The following PRKAR2A variants were observed in gnomAD, a reference collection of about 807,000 sequenced individuals.
The protein encoded by PRKAR2A is cAMP-dependent protein kinase type II-alpha regulatory subunit.
PRKAR2A carries 29 observed loss-of-function variants against 51.9 expected under a neutral mutation model. That is an observed-to-expected ratio of 0.56 (90% CI 0.42 to 0.76). PRKAR2A has a LOEUF of 0.76. Among genes scored for constraint, PRKAR2A ranks in the 30% least tolerant of loss-of-function variants. The pLI is 0.00. For synonymous variants in PRKAR2A, 178 were observed against 186.2 expected, an observed-to-expected ratio of 0.96 and a Z score of 0.36; for missense variants, 445 against 512.1, an observed-to-expected ratio of 0.87 and a Z score of 1.26.
intron 6 of PRKAR2A, among the ~76,000 whole-genome samples, chr3:48,772,212 T>C (rs1432013768): frequency 6.6e-6 from 1 of 152,200 alleles, no homozygotes; most frequent in Non-Finnish European, 1.5e-5. Context: ...TATTCCATCT[T>C]GGTCTGAACC....
chr3:48,790,501 TA>T, intron 4 of PRKAR2A, 42 bp downstream of exon 4: 1 of 1,399,044 alleles, frequency 7.1e-7, no homozygotes, highest in Non-Finnish European at 9.7e-7. Context: ...GGAGCAAAGC[TA>T]AAAGATCATT....
In PRKAR2A at chr3:48,747,787, A is replaced by C. The variant is rs1243549831; in HGVS notation, c.*3798T>G. On this transcript the variant is annotated 3_prime_UTR_variant, in exon 11 of 11. Coordinates refer to ENST00000265563, the MANE Select transcript of PRKAR2A (RefSeq NM_004157.4). Reference sequence around the variant, plus strand: ...AGGGGCATGAGCTCTAATTCATTGAAGAGAACACCACAAAACAGTTAACAA... The same window carrying C: ...AGGGGCATGAGCTCTAATTCATTGACGAGAACACCACAAAACAGTTAACAA... 6.6e-6 allele frequency: 1 copy of C among 152,248 alleles called. No homozygotes were observed. The highest frequency in any genetic ancestry group is 1.5e-5 in the Non-Finnish European group (1 of 68,064). 9.4% of individuals were successfully genotyped at this position (152,248 alleles called of 1,614,324 possible). A position where few individuals can be genotyped will look rare whatever the true frequency, so the allele number is the denominator to read the frequency against.
At chr3:48,818,907 G>A (rs992345663) in intron 1 of PRKAR2A, among the ~76,000 whole-genome samples, 1 of 152,102 alleles carries the variant, frequency 6.6e-6, no homozygotes, top group African/African-American at 2.4e-5. Flanking sequence ...TTTGTGGAGG[G>A]TTTGTTTGCT....
chr3:48,830,253 T>C (rs1193696259), intron 1 of PRKAR2A, among the ~76,000 whole-genome samples: 4 of 151,786 alleles, frequency 2.6e-5, no homozygotes, highest in East Asian at 1.9e-4. Flanking sequence ...ACTAGTCCTA[T>C]ACAGGGTCAG....
downstream of PRKAR2A, among the ~76,000 whole-genome samples, chr3:48,746,381 A>ATCTTTAT (rs2081562186): frequency 6.7e-6 from 1 of 148,292 alleles, no homozygotes; most frequent in South Asian, 2.1e-4. Context: ...AAAAAAAAGA[A>ATCTTTAT]TCTTTATACA....
chr3:48,784,893 C>T (rs2082263400), intron 4 of PRKAR2A, among the ~76,000 whole-genome samples: 1 of 152,104 alleles, frequency 6.6e-6, no homozygotes, highest in East Asian at 1.9e-4. Flanking sequence ...TGTTGAAGTA[C>T]TTACTATATG....
chr3:48,776,515 C>T (rs1214281595), intron 5 of PRKAR2A, among the ~76,000 whole-genome samples: 1 of 152,054 alleles, frequency 6.6e-6, no homozygotes, highest in Non-Finnish European at 1.5e-5. Context: ...TGGTGGCTCA[C>T]GCCTGTGTAT....
At position 48,773,084 on chromosome 3, in the gene PRKAR2A, T is replaced by C. The variant is rs1410919275; in HGVS notation, c.567A>G (p.Thr189=). ...CAACAGAGCGGGTTTGATTATCTTT[T>C]GTTACTAAAATGTCATAAGTTCCCC... The part of the protein sequence containing the change: ...IERGTYDILV[T]KDNQTRSVGQ... Residue 189 remains threonine, a synonymous_variant, in exon 6 of 11, where the codon ACA becomes ACG. Transcript: ENST00000265563. 3 of 1,610,598 alleles carry C rather than the reference T, an allele frequency of 1.9e-6. No individual in the cohort carries two copies. In the Admixed American group the frequency reaches 5.0e-5, roughly 27 times the overall value.
At chr3:48,794,627 G>A (rs1374558406) in intron 2 of PRKAR2A, among the ~76,000 whole-genome samples, 8 of 151,948 alleles carry the variant, frequency 5.3e-5, no homozygotes, top group South Asian at 4.2e-4. Flanking sequence ...CTTGGGAGAC[G>A]GAGGTTGCAG....
chr3:48,770,365 A>G (rs1487463092), intron 6 of PRKAR2A, among the ~76,000 whole-genome samples: 2 of 152,164 alleles, frequency 1.3e-5, no homozygotes, highest in Non-Finnish European at 2.9e-5. Flanking sequence ...AAGAGAAAGC[A>G]AAAGAGACTA....
chr3:48,839,287 TAAA>T (rs749588693), intron 1 of PRKAR2A, among the ~76,000 whole-genome samples: 1 of 119,704 alleles, frequency 8.4e-6, no homozygotes. Flanking sequence ...AAATTCCGTC[TAAA>T]AAAAAAAAAA....
At chr3:48,788,323 C>T (rs148602401) in intron 4 of PRKAR2A, among the ~76,000 whole-genome samples, 1 of 152,230 alleles carries the variant, frequency 6.6e-6, no homozygotes, top group Non-Finnish European at 1.5e-5. Context: ...GCCACCGTGC[C>T]CTGCCAAATT....
intron 6 of PRKAR2A, among the ~76,000 whole-genome samples, chr3:48,770,371 GA>G (rs1323052958): frequency 1.3e-5 from 2 of 152,170 alleles, no homozygotes; most frequent in Non-Finnish European, 2.9e-5. Flanking sequence ...AAGCAAAAGA[GA>G]CTACGTATAG....
rs745666676 is a variant in PRKAR2A at position 48,773,125 on chromosome 3, GAAT to G, written c.543-20_543-18del. ...TAAGTTCCCCTAGAAGAATGACAAA[GAAT>G]AATTTAATTAGTTACTTCTGATAAT... On this transcript the variant is annotated intron_variant, in intron 5 of 10. Transcript: ENST00000265563. 2.3e-5 allele frequency: 36 copies of G among 1,578,096 alleles called. No individual in the cohort carries two copies. Among genetic ancestry groups the G allele is most frequent in the Non-Finnish European group, 3.0e-5 (35 of 1,152,450 alleles).
chr3:48,828,474 T>A (rs970677325), intron 1 of PRKAR2A, among the ~76,000 whole-genome samples: 1 of 151,988 alleles, frequency 6.6e-6, no homozygotes, highest in South Asian at 2.1e-4. Flanking sequence ...TCCAAGTACT[T>A]TGGGAGGCTG....
intron 2 of PRKAR2A, among the ~76,000 whole-genome samples, chr3:48,805,965 T>C (rs920799664): frequency 2.6e-5 from 4 of 152,190 alleles, no homozygotes; most frequent in African/African-American, 9.6e-5. Flanking sequence ...GAGGTATCAC[T>C]ATAGTCTCCA....
chr3:48,780,994 G>C (rs531212933), intron 5 of PRKAR2A, among the ~76,000 whole-genome samples: 3 of 152,112 alleles, frequency 2.0e-5, no homozygotes, highest in East Asian at 3.9e-4. Flanking sequence ...TGGTGGGGAC[G>C]AAGTCTCACT....
At chr3:48,786,366 C>G (rs1166076735) in intron 4 of PRKAR2A, among the ~76,000 whole-genome samples, 2 of 150,612 alleles carry the variant, frequency 1.3e-5, no homozygotes, top group African/African-American at 4.9e-5. Context: ...TTCAGGTGAT[C>G]TGCCCGCCTC....
rs1344328461 is a variant in PRKAR2A at position 48,749,518 on chromosome 3, G to C, written c.*2067C>G. The C allele has an allele frequency of 6.7e-6, 1 of 148,624 alleles. No individual in the cohort carries two copies. Among genetic ancestry groups the C allele is most frequent in the African/African-American group, 2.5e-5 (1 of 40,108 alleles). The allele number at this position is 148,624 out of a possible 1,614,324, so 9.2% of individuals were successfully genotyped here. ...TTTTTTTGAGATGGAGTCTTGCACTGTCACCCGGGGTGGAATACAATGGTG... is the reference window on the plus strand; with the variant it reads ...TTTTTTTGAGATGGAGTCTTGCACTCTCACCCGGGGTGGAATACAATGGTG... On this transcript the variant is annotated 3_prime_UTR_variant, in exon 11 of 11. Transcript: ENST00000265563.
Sources: allele counts gnomAD v4.1 joint callset (sites outside exome capture counted in the v4.1 genomes callset), GRCh38; gene constraint gnomAD v4.1.1; transcripts MANE v1.5; gene names NCBI Gene and HGNC (gene_info 2026-07-23, HGNC 2026-07-21).